Variants in TNRC18 observed in about 807,000 individuals in gnomAD.
The protein encoded by TNRC18 is trinucleotide repeat-containing gene 18 protein.
TNRC18 carries 69 observed loss-of-function variants against 226.7 expected under a neutral mutation model. The observed-to-expected ratio is 0.30, with a 90% CI of 0.25 to 0.37. The LOEUF is 0.37. Among genes scored for constraint, TNRC18 ranks in the 10% least tolerant of loss-of-function variants. The probability of loss-of-function intolerance (pLI) is 1.00; values close to 1 mark genes in which losing one functional copy is unlikely to be tolerated. For synonymous variants in TNRC18, 2,449 were observed against 1,927.6 expected (o/e 1.27, Z -7.09); for missense variants, 4,754 against 4,256.6 (o/e 1.12, Z -3.25).
intron 11 of TNRC18, among the ~76,000 whole-genome samples, chr7:5,366,374 G>T (rs941448863): frequency 1.7e-5 from 2 of 118,122 alleles, no homozygotes; most frequent in Non-Finnish European, 3.2e-5. Context: ...TGTCGCCCAG[G>T]CTGGAGTGCA....
intron 3 of TNRC18, among the ~76,000 whole-genome samples, chr7:5,391,387 C>G (rs1404667913): frequency 6.6e-6 from 1 of 151,910 alleles, no homozygotes; most frequent in Non-Finnish European, 1.5e-5. Flanking sequence ...TCTCGGTTCA[C>G]TGCAACCTCC....
intron 2 of TNRC18, among the ~76,000 whole-genome samples, chr7:5,408,253 C>T (rs961662897): frequency 1.4e-5 from 2 of 147,756 alleles, no homozygotes; most frequent in South Asian, 2.1e-4. Context: ...GAGCTGAGAT[C>T]GTGCCACTGC....
intron 18 of TNRC18, 34 bp downstream of exon 18, chr7:5,345,528 C>CCCCCA: frequency 1.9e-6 from 1 of 534,160 alleles, no homozygotes. Flanking sequence ...CCCCTCCCAC[C>CCCCCA]CACCCCCACC....
Position 5,388,370 on chromosome 7 carries a change from G to A in TNRC18, c.1454C>T (p.Pro485Leu). 6.4e-7 allele frequency: 1 copy of A among 1,552,164 alleles called. No individual in the cohort carries two copies. Among genetic ancestry groups the A allele is most frequent in the Non-Finnish European group, 8.7e-7 (1 of 1,153,354 alleles). ...CERAPRGPAG[P>L]AAQQAAKLFG... ...GAGCTTGGCGGCCTGTTGGGCTGCA[G>A]GACCGGCTGGGCCGCGGGGCGCACG... The change falls in exon 5 of 30, where the codon CCT becomes CTT. Residue 485 changes from proline to leucine, a missense_variant. Physicochemically the swap from Pro to Leu is moderately conservative, Grantham distance 98 (BLOSUM62 -3). Coordinates refer to ENST00000430969, the MANE Select transcript of TNRC18 (RefSeq NM_001080495.3).
intron 16 of TNRC18, among the ~76,000 whole-genome samples, chr7:5,354,199 A>G (rs890193370): frequency 6.6e-6 from 1 of 152,008 alleles, no homozygotes; most frequent in Non-Finnish European, 1.5e-5. Flanking sequence ...GCAAAACTCC[A>G]TCTCAAAATA....
rs147245928 is a variant in TNRC18 at position 5,394,725 on chromosome 7, G to A, written c.188-130C>T. ...GCTGTGTGGAGCTGATGCTGGCCAG[G>A]AGACCAAAGAGGGTTCCCCTGCTCC... On this transcript the variant is annotated intron_variant, in intron 2 of 29. Coordinates refer to ENST00000430969, the MANE Select transcript of TNRC18 (RefSeq NM_001080495.3). The surrounding 1 kb of genome is among the most constrained non-coding windows in gnomAD (Gnocchi z 4.5). 7.4e-5 allele frequency: 52 copies of A among 707,114 alleles called. No homozygotes were observed. Among genetic ancestry groups the A allele is most frequent in the Non-Finnish European group, 1.2e-4 (51 of 428,796 alleles). 43.8% of individuals were successfully genotyped at this position (707,114 alleles called of 1,614,324 possible).
At position 5,309,237 on chromosome 7, in the gene TNRC18, G is replaced by A; in HGVS notation, c.8520C>T (p.Arg2840=). Residue 2840 remains arginine (R), a synonymous_variant, in exon 28 of 30, where the codon CGC becomes CGT. Coordinates refer to ENST00000430969, the MANE Select transcript of TNRC18 (RefSeq NM_001080495.3). This position sits in a 1 kb window ranked among gnomAD's most constrained non-coding sequence, Gnocchi z 5.7. ...CCCACGACTCCCACATGCTCTGGATGCGGCCGATGTAGGGCAGGTTGGGGC... is the reference window on the plus strand; with the variant it reads ...CCCACGACTCCCACATGCTCTGGATACGGCCGATGTAGGGCAGGTTGGGGC... ...AGRPNLPYIG[R]IQSMWESWGN... is the part of the protein sequence containing the mutation. 6.2e-7 allele frequency: 1 copy of A among 1,613,854 alleles called. No homozygotes were observed. The highest frequency in any genetic ancestry group is 8.5e-7 in the Non-Finnish European group (1 of 1,179,828).
intron 2 of TNRC18, among the ~76,000 whole-genome samples, chr7:5,419,318 G>C (rs531322940): frequency 2.4e-4 from 36 of 152,338 alleles, no homozygotes; most frequent in Admixed American, 5.2e-4. Context: ...TCGCAGGCGG[G>C]GAGTGCGCGA....
intron 2 of TNRC18, chr7:5,407,185 A>G (rs1781531000): frequency 6.6e-6 from 1 of 152,330 alleles, no homozygotes; most frequent in African/African-American, 2.4e-5. Flanking sequence ...GGGCTATCAG[A>G]CCTGTGGCCA....
At chr7:5,338,269 A>G (rs1184606369) in intron 18 of TNRC18, among the ~76,000 whole-genome samples, 2 of 152,178 alleles carry the variant, frequency 1.3e-5, no homozygotes, top group African/African-American at 2.4e-5. Flanking sequence ...TTTAAAAGGC[A>G]AGGAGAACCA....
At position 5,312,929 on chromosome 7, in the gene TNRC18, A is replaced by AGAGGAGGAG. The variant is rs764497304; in HGVS notation, c.7953_7961dup (p.Ser2669_Ser2671dup). ...AGGAGGAGGAGGATGAGGACGAGGA[A>AGAGGAGGAG]GAGGAGGAGGAGGAAGAGGAGGAAG... On this transcript the variant is annotated inframe_insertion, in exon 27 of 30. Coordinates refer to ENST00000430969, the MANE Select transcript of TNRC18 (RefSeq NM_001080495.3). This position sits in a 1 kb window ranked among gnomAD's most constrained non-coding sequence, Gnocchi z 6.3. The AGAGGAGGAG allele has an allele frequency of 2.1e-6, 3 of 1,422,536 alleles. No individual in the cohort carries two copies. Among genetic ancestry groups the AGAGGAGGAG allele is most frequent in the East Asian group, 2.8e-5 (1 of 36,132 alleles). 88.1% of individuals were successfully genotyped at this position (1,422,536 alleles called of 1,614,324 possible). A position where few individuals can be genotyped will look rare whatever the true frequency, so the allele number is the denominator to read the frequency against.
In TNRC18 at chr7:5,313,056, G is replaced by C. The variant is rs1160508257; in HGVS notation, c.7835C>G (p.Pro2612Arg). The C allele has an allele frequency of 1.9e-6, 2 of 1,078,276 alleles. No individual in the cohort carries two copies. The highest frequency in any genetic ancestry group is 2.7e-6 in the Non-Finnish European group (2 of 728,224). 66.8% of individuals were successfully genotyped at this position (1,078,276 alleles called of 1,614,324 possible). Reference sequence around the variant, plus strand: ...GGATGAGGAGGAGGAGGAGGAGGCCGGTGAGGCCGCCCTGGAGCTGGCAGC... The same window carrying C: ...GGATGAGGAGGAGGAGGAGGAGGCCCGTGAGGCCGCCCTGGAGCTGGCAGC... ...CSAASSRAAS[P>R]ASSSSSSSSS... Residue 2612 changes from proline to arginine, a missense_variant, in exon 27 of 30, where the codon CCG (proline) becomes CGG (arginine). Physicochemically the swap from Pro to Arg is moderately radical, Grantham distance 103 (BLOSUM62 -2). Coordinates refer to ENST00000430969, the MANE Select transcript of TNRC18 (RefSeq NM_001080495.3).
intron 10 of TNRC18, among the ~76,000 whole-genome samples, chr7:5,371,579 G>A (rs1324541950): frequency 6.6e-6 from 1 of 152,214 alleles, no homozygotes; most frequent in East Asian, 1.9e-4. Flanking sequence ...TGTCCCCAAG[G>A]TCTTGTGGTC....
intron 11 of TNRC18, among the ~76,000 whole-genome samples, chr7:5,368,479 A>T (rs1306193428): frequency 6.6e-6 from 1 of 152,042 alleles, no homozygotes; most frequent in Non-Finnish European, 1.5e-5. Flanking sequence ...CCTGGCCAAC[A>T]TGGTGAAACC....
At chr7:5,365,408 C>T (rs1303725391) in intron 11 of TNRC18, among the ~76,000 whole-genome samples, 3 of 151,992 alleles carry the variant, frequency 2.0e-5, no homozygotes, top group Admixed American at 6.6e-5. Flanking sequence ...CCACCGTGTC[C>T]GGCCTCCTAT....
At chr7:5,349,431 A>G (rs751403118) in intron 17 of TNRC18, among the ~76,000 whole-genome samples, 3 of 152,166 alleles carry the variant, frequency 2.0e-5, no homozygotes, top group Non-Finnish European at 4.4e-5. Flanking sequence ...TATTATTATT[A>G]TTTAAAGAAA....
chr7:5,398,031 G>C (rs564778399), intron 2 of TNRC18, among the ~76,000 whole-genome samples: 20 of 152,174 alleles, frequency 1.3e-4, no homozygotes, highest in African/African-American at 4.1e-4. Context: ...GTCTCACTCT[G>C]TTCAATTCAC....
intron 5 of TNRC18, among the ~76,000 whole-genome samples, chr7:5,378,380 C>T (rs893875828): frequency 6.6e-6 from 1 of 151,942 alleles, no homozygotes; most frequent in African/African-American, 2.4e-5. Flanking sequence ...AGGCCGGGTG[C>T]ACTTACTAAT....
At chr7:5,326,674 G>T (rs1311788825) in intron 19 of TNRC18, among the ~76,000 whole-genome samples, 2 of 152,172 alleles carry the variant, frequency 1.3e-5, no homozygotes, top group Non-Finnish European at 2.9e-5. Context: ...GGGCATGGTG[G>T]CGGGTGCCTG....
Sources: allele counts gnomAD v4.1 joint callset (sites outside exome capture counted in the v4.1 genomes callset), GRCh38; gene constraint gnomAD v4.1.1; non-coding constraint Gnocchi (gnomAD v3.1); transcripts MANE v1.5; gene names NCBI Gene and HGNC (gene_info 2026-07-23, HGNC 2026-07-21).